Variants in RNF180 observed in about 807,000 individuals in gnomAD.
RNF180 encodes E3 ubiquitin-protein ligase RNF180.
RNF180 carries 38 observed loss-of-function variants against 59.2 expected under a neutral mutation model. That is an observed-to-expected ratio of 0.64 (90% confidence interval 0.50 to 0.84). RNF180 has a LOEUF of 0.84. Among genes scored for constraint, RNF180 ranks in the 40% least tolerant of loss-of-function variants. The probability of loss-of-function intolerance (pLI) is 0.00; values close to 1 mark genes in which losing one functional copy is unlikely to be tolerated. For synonymous variants in RNF180, 262 were observed against 240.3 expected (o/e 1.09, Z -0.84); for missense variants, 705 against 700.9 (o/e 1.01, Z -0.07).
chr5:64,236,862 TG>T (rs1742473888), intron 5 of RNF180, among the ~76,000 whole-genome samples: 1 of 152,156 alleles, frequency 6.6e-6, no homozygotes, highest in South Asian at 2.1e-4. Context: ...GGCTTCCACA[TG>T]GTGTTGGGCC....
At chr5:64,197,867 A>G (rs777629394) in intron 1 of RNF180, among the ~76,000 whole-genome samples, 2 of 152,190 alleles carry the variant, frequency 1.3e-5, no homozygotes, top group Non-Finnish European at 2.9e-5. Flanking sequence ...ATTACATCCT[A>G]GAAACATTGA....
chr5:64,324,092 A>G (rs1481329832), intron 5 of RNF180, among the ~76,000 whole-genome samples: 2 of 152,216 alleles, frequency 1.3e-5, no homozygotes, highest in Non-Finnish European at 2.9e-5. Flanking sequence ...AAAGAGTTCA[A>G]TTTTTACAGC....
intron 5 of RNF180, among the ~76,000 whole-genome samples, chr5:64,260,518 A>G (rs946179756): frequency 1.3e-5 from 2 of 152,154 alleles, no homozygotes; most frequent in Non-Finnish European, 1.5e-5. Context: ...TTACTTCTGT[A>G]TCTTCAGTTT....
At chr5:64,283,761 G>A (rs541558071) in intron 5 of RNF180, among the ~76,000 whole-genome samples, 21 of 152,032 alleles carry the variant, frequency 1.4e-4, no homozygotes, top group African/African-American at 4.1e-4. Flanking sequence ...CCAACCATGC[G>A]GAACTGTAAG....
chr5:64,189,885 T>A (rs548420487), intron 1 of RNF180, among the ~76,000 whole-genome samples: 1 of 152,304 alleles, frequency 6.6e-6, no homozygotes, highest in East Asian at 1.9e-4. Flanking sequence ...TTCAGACTTC[T>A]GGGATTCTAC....
rs566094385 is a variant in RNF180, at chr5:64,260,585, G to A, written c.1227+43189G>A. Among the ~76,000 whole-genome samples, 3 of 152,178 alleles carry A rather than the reference G, an allele frequency of 2.0e-5. No individual in the cohort carries two copies. In the East Asian group the frequency reaches 5.8e-4, roughly 29 times the overall value. ...ATAACCAATCCCTCAATTCCTTTCA[G>A]CATTGACACTTAGGTGGACTTGCCT... On this transcript the variant is annotated intron_variant, in intron 5 of 7. Transcript: ENST00000389100.
intron 7 of RNF180, among the ~76,000 whole-genome samples, chr5:64,360,922 T>C (rs1167624133): frequency 6.6e-6 from 1 of 151,658 alleles, no homozygotes; most frequent in Non-Finnish European, 1.5e-5. Context: ...AAAACTCAAA[T>C]CTTTTATAAT....
At chr5:64,174,706 C>T (rs1006676889) in intron 1 of RNF180, among the ~76,000 whole-genome samples, 3 of 152,054 alleles carry the variant, frequency 2.0e-5, no homozygotes, top group African/African-American at 7.2e-5. Context: ...TGGATATTAA[C>T]TCAGATGCAT....
At chr5:64,229,933 G>C (rs1182104936) in intron 5 of RNF180, among the ~76,000 whole-genome samples, 4 of 152,210 alleles carry the variant, frequency 2.6e-5, no homozygotes, top group Non-Finnish European at 4.4e-5. Flanking sequence ...CAATAAAAGT[G>C]ATTGGAACAA....
At position 64,202,549 on chromosome 5, in the gene RNF180, T is replaced by G. The variant is rs949465830; in HGVS notation, c.135+1607T>G. ...TGGGGGTAGGTATAGTTTAATTTCT[T>G]AAGAAATTGTTAGTAGTTTTTCAAA... On this transcript the variant is annotated intron_variant, in intron 2 of 7. Coordinates refer to ENST00000389100, the MANE Select transcript of RNF180 (RefSeq NM_001113561.2). Among the ~76,000 whole-genome samples, 3 of 152,330 alleles carry G rather than the reference T, an allele frequency of 2.0e-5. No individual in the cohort carries two copies. In the East Asian group the frequency reaches 5.8e-4, roughly 29 times the overall value.
chr5:64,277,751 C>T (rs1257379638), intron 5 of RNF180, among the ~76,000 whole-genome samples: 1 of 152,228 alleles, frequency 6.6e-6, no homozygotes, highest in East Asian at 1.9e-4. Flanking sequence ...AGGGACAAAT[C>T]ATGTTCGAGG....
intron 5 of RNF180, among the ~76,000 whole-genome samples, chr5:64,264,908 A>G (rs1580140795): frequency 1.3e-5 from 2 of 152,264 alleles, no homozygotes; most frequent in South Asian, 2.1e-4. Context: ...TGACTTTTTA[A>G]TGATCACCAT....
chr5:64,191,406 A>G (rs1262132638), intron 1 of RNF180, among the ~76,000 whole-genome samples: 8 of 152,204 alleles, frequency 5.3e-5, no homozygotes, highest in Admixed American at 5.2e-4. Flanking sequence ...AATATCATAC[A>G]GTATTGTTTT....
At chr5:64,188,069 G>C (rs534386428) in intron 1 of RNF180, among the ~76,000 whole-genome samples, 10 of 151,992 alleles carry the variant, frequency 6.6e-5, no homozygotes, top group African/African-American at 2.2e-4. Context: ...ATATCAGTAG[G>C]GTGAGCTGAC....
At chr5:64,332,285 T>C (rs755327491) in intron 7 of RNF180, among the ~76,000 whole-genome samples, 2 of 152,250 alleles carry the variant, frequency 1.3e-5, no homozygotes, top group Non-Finnish European at 2.9e-5. Flanking sequence ...ACCAGTACTC[T>C]GTATAAAGAT....
chr5:64,272,720 G>C (rs1340215749), intron 5 of RNF180, among the ~76,000 whole-genome samples: 1 of 151,996 alleles, frequency 6.6e-6, no homozygotes, highest in African/African-American at 2.4e-5. Context: ...GACAGGAATG[G>C]AGAAATTCAG....
chr5:64,286,428 C>T (rs776890022), intron 5 of RNF180, among the ~76,000 whole-genome samples: 1 of 152,140 alleles, frequency 6.6e-6, no homozygotes, highest in Non-Finnish European at 1.5e-5. Context: ...AAAGCCCAAA[C>T]CCTTAACTCC....
chr5:64,338,246 T>C (rs1376615106), intron 7 of RNF180, among the ~76,000 whole-genome samples: 3 of 152,204 alleles, frequency 2.0e-5, no homozygotes, highest in African/African-American at 7.2e-5. Context: ...ATTTAATGCA[T>C]ATGCTTTTTT....
chr5:64,369,719 G>C lies in RNF180; in HGVS notation c.1684G>C (p.Asp562His). 6.5e-7 allele frequency: 1 copy of C among 1,548,302 alleles called. No individual in the cohort carries two copies. Among genetic ancestry groups the C allele is most frequent in the South Asian group, 1.2e-5 (1 of 83,796 alleles). ...GGATGATAGCCGTGGATGGTGGTTT[G>C]ACATGGATATGGTGATCATATATAT... ...FEDDSRGWWF[D>H]MDMVIIYIYS... The change falls in exon 8 of 8, where the codon GAC becomes CAC. Residue 562 changes from aspartate to histidine, a missense_variant. Physicochemically the swap from Asp to His is moderately conservative, Grantham distance 81. Coordinates refer to ENST00000389100, the MANE Select transcript of RNF180 (RefSeq NM_001113561.2).
Sources: gnomAD v4.1 joint callset for allele counts (sites outside exome capture counted in the v4.1 genomes callset) on GRCh38, gnomAD v4.1.1 for gene constraint, MANE v1.5 for transcripts, NCBI Gene and HGNC (gene_info 2026-07-23, HGNC 2026-07-21) for gene names.